Variants in FOCAD observed in about 807,000 individuals in gnomAD.
FOCAD encodes focadhesin, also known as KIAA1797.
FOCAD carries 198 observed loss-of-function variants against 225.6 expected under a neutral mutation model. The ratio of observed to expected loss-of-function variants is 0.88; its 90% confidence interval spans 0.78 to 0.99. The LOEUF is 0.99. Among genes scored for constraint, FOCAD ranks in the 50% least tolerant of loss-of-function variants. FOCAD has a pLI of 0.00. For missense variants in FOCAD, 2,713 were observed against 2,123.6 expected, an observed-to-expected ratio of 1.28 and a Z score of -5.46; for synonymous variants, 897 against 755.0, an observed-to-expected ratio of 1.19 and a Z score of -3.08.
At chr9:20,925,693 A>C (rs117541190) in intron 25 of FOCAD, among the ~76,000 whole-genome samples, 1 of 152,208 alleles carries the variant, frequency 6.6e-6, no homozygotes, top group East Asian at 1.9e-4. Context: ...TTAATAACCA[A>C]GTTTTATTTT....
At chr9:20,661,361 G>A (rs1821715617) in intron 2 of FOCAD, among the ~76,000 whole-genome samples, 1 of 152,190 alleles carries the variant, frequency 6.6e-6, no homozygotes, top group Admixed American at 6.5e-5. Context: ...AGGAGGAAGA[G>A]TAGACAACAT....
intron 35 of FOCAD, among the ~76,000 whole-genome samples, chr9:20,966,913 G>A (rs561477999): frequency 1.2e-4 from 19 of 152,036 alleles, no homozygotes; most frequent in African/African-American, 3.4e-4. Context: ...CTAATACCAC[G>A]CTGTTTTGAT....
chr9:20,850,317 T>C (rs1488551745), intron 15 of FOCAD, among the ~76,000 whole-genome samples: 1 of 151,726 alleles, frequency 6.6e-6, no homozygotes, highest in African/African-American at 2.4e-5. Flanking sequence ...TTTATTTTTT[T>C]ATTTTTATAG....
intron 11 of FOCAD, among the ~76,000 whole-genome samples, chr9:20,801,020 G>A (rs564088618): frequency 6.6e-6 from 1 of 152,212 alleles, no homozygotes; most frequent in Admixed American, 6.5e-5. Context: ...GTACAGATGG[G>A]GTTTTGGTGT....
At chr9:20,720,613 A>C in intron 4 of FOCAD, 79 bp downstream of exon 4, 1 of 1,401,134 alleles carries the variant, frequency 7.1e-7, no homozygotes, top group Non-Finnish European at 9.8e-7. Flanking sequence ...ATTAAGAGTC[A>C]GCATTCATCC....
At chr9:20,799,637 A>T (rs1343089268) in intron 11 of FOCAD, among the ~76,000 whole-genome samples, 1 of 152,084 alleles carries the variant, frequency 6.6e-6, no homozygotes, top group Non-Finnish European at 1.5e-5. Flanking sequence ...TTGTTGGTTT[A>T]AAGTCTGTTT....
Position 20,995,822 on chromosome 9 carries a change from G to A in FOCAD, c.*193G>A, listed in dbSNP as rs547537837. On this transcript the variant is annotated 3_prime_UTR_variant, in exon 44 of 44. Transcript: ENST00000338382. Reference sequence around the variant, plus strand: ...AGGAGTGCATTGCTTTAGTACCCGGGCCAGTTGAGACTGAAACAGGAACTT... The same window carrying A: ...AGGAGTGCATTGCTTTAGTACCCGGACCAGTTGAGACTGAAACAGGAACTT... 2 of 380,162 alleles carry A rather than the reference G, an allele frequency of 5.3e-6. No individual in the cohort carries two copies. Among genetic ancestry groups the A allele is most frequent in the Admixed American group, 8.8e-5 (2 of 22,622 alleles). The allele number at this position is 380,162 out of a possible 1,614,324, so 23.5% of individuals were successfully genotyped here.
intron 9 of FOCAD, among the ~76,000 whole-genome samples, chr9:20,781,170 G>C (rs903535674): frequency 6.6e-6 from 1 of 152,160 alleles, no homozygotes; most frequent in Non-Finnish European, 1.5e-5. Context: ...TATGTATCTG[G>C]TGTGTAAGTT....
At position 20,933,031 on chromosome 9, in the gene FOCAD, A is replaced by C. The variant is rs147046649; in HGVS notation, c.3335A>C (p.Glu1112Ala). 4.2e-3 allele frequency: 6,836 copies of C among 1,613,750 alleles called. 130 individuals carry two copies. The Admixed American group carries it at 0.054, about 13-fold the overall frequency. Reference protein sequence around the residue: ...EEKLSDISGQEMNLLLMKSLD... With the variant: ...EEKLSDISGQAMNLLLMKSLD... ...TTAACCAGTGATATATCTGGCCAAG[A>C]GATGAACCTTCTTCTGATGAAGTCG... Residue 1112 changes from glutamate to alanine, a missense_variant, in exon 28 of 44, where the codon GAG becomes GCG. By Grantham distance (107) the Glu-to-Ala change is moderately radical. Transcript: ENST00000338382.
At chr9:20,774,579 A>G (rs1055156593) in intron 8 of FOCAD, among the ~76,000 whole-genome samples, 2 of 152,226 alleles carry the variant, frequency 1.3e-5, no homozygotes, top group South Asian at 2.1e-4. Flanking sequence ...TACTAACTTT[A>G]AAAAATATTA....
At chr9:20,796,095 G>A (rs949705724) in intron 11 of FOCAD, among the ~76,000 whole-genome samples, 2 of 151,886 alleles carry the variant, frequency 1.3e-5, no homozygotes, top group African/African-American at 4.8e-5. Flanking sequence ...ATAGTTTGCT[G>A]AGAATGATGG....
chr9:20,815,092 T>C, intron 11 of FOCAD, among the ~76,000 whole-genome samples: 1 of 148,710 alleles, frequency 6.7e-6, no homozygotes, highest in Non-Finnish European at 1.5e-5. Flanking sequence ...TCTCAGCTTT[T>C]GTTTATCTGG....
At chr9:20,867,087 G>A in intron 18 of FOCAD, 75 bp downstream of exon 18, 1 of 895,804 alleles carries the variant, frequency 1.1e-6, no homozygotes, top group Non-Finnish European at 1.8e-6. Flanking sequence ...CATCTTAGGA[G>A]ATACTTACCT....
intron 3 of FOCAD, 125 bp from the exon 4 acceptor site, chr9:20,720,255 C>T (rs976271959): frequency 3.3e-5 from 30 of 899,262 alleles, no homozygotes; most frequent in Admixed American, 2.8e-4. Flanking sequence ...GTGACAACAG[C>T]ATCATCTTTA....
intron 21 of FOCAD, among the ~76,000 whole-genome samples, chr9:20,893,241 A>G (rs1831782538): frequency 6.6e-6 from 1 of 152,116 alleles, no homozygotes; most frequent in Non-Finnish European, 1.5e-5. Flanking sequence ...TTTTAAATAC[A>G]TAATGCTGTT....
chr9:20,989,832 C>T (rs1030819325), intron 41 of FOCAD, among the ~76,000 whole-genome samples: 3 of 152,104 alleles, frequency 2.0e-5, no homozygotes, highest in Non-Finnish European at 4.4e-5. Flanking sequence ...ATTGAATAAA[C>T]GATGTTTCTC....
chr9:20,690,529 G>A (rs954942208), intron 1 of FOCAD, among the ~76,000 whole-genome samples: 1 of 152,048 alleles, frequency 6.6e-6, no homozygotes, highest in South Asian at 2.1e-4. Context: ...ACTTTTCTGA[G>A]AAGTTACTTT....
intron 4 of FOCAD, among the ~76,000 whole-genome samples, chr9:20,731,826 AG>A (rs1327827582): frequency 6.6e-6 from 1 of 152,186 alleles, no homozygotes; most frequent in Non-Finnish European, 1.5e-5. Context: ...CATGTTGGTC[AG>A]GCTGGTCTCG....
intron 1 of FOCAD, among the ~76,000 whole-genome samples, chr9:20,686,568 A>G (rs1357885531): frequency 6.6e-6 from 1 of 152,230 alleles, no homozygotes; most frequent in African/African-American, 2.4e-5. Flanking sequence ...TAGTTTAAGG[A>G]TTATTAGTCT....
Sources: allele counts gnomAD v4.1 joint callset (sites outside exome capture counted in the v4.1 genomes callset), GRCh38; gene constraint gnomAD v4.1.1; transcripts MANE v1.5; gene names NCBI Gene and HGNC (gene_info 2026-07-23, HGNC 2026-07-21).